The following IKBKG variants were observed in gnomAD, a reference collection of about 807,000 sequenced individuals.
The protein encoded by IKBKG is inhibitor of nuclear factor kappa B kinase regulatory subunit gamma.
IKBKG carries 2 observed loss-of-function variants against 13.7 expected under a neutral mutation model. The ratio of observed to expected loss-of-function variants is 0.15; its 90% confidence interval spans 0.06 to 0.46. The LOEUF (loss-of-function observed/expected upper bound fraction) is 0.46, where lower values mean the gene tolerates loss of function less well. Among genes scored for constraint, IKBKG ranks in the 20% least tolerant of loss-of-function variants. The pLI is 0.98. For missense variants in IKBKG, 53 were observed against 150.3 expected (o/e 0.35, Z 3.39); for synonymous variants, 22 against 64.4 (o/e 0.34, Z 3.15).
At chrX:154,548,075 T>C (rs1486530839) in intron 1 of IKBKG, 1 of 753,703 alleles carries the variant, frequency 1.3e-6, no homozygotes, top group Non-Finnish European at 1.6e-6. Context: ...GCCTCACATA[T>C]AGTTTGGCAG....
At chrX:154,550,595 T>C (rs1180622063) in intron 1 of IKBKG, among the ~76,000 whole-genome samples, 6 of 108,678 alleles carry the variant, frequency 5.5e-5, no homozygotes, top group African/African-American at 1.3e-4. Flanking sequence ...CAGCCCAACA[T>C]GAAGGATGGG....
At chrX:154,548,656 TG>T (rs2070830621) in intron 1 of IKBKG, among the ~76,000 whole-genome samples, 1 of 112,112 alleles carries the variant, frequency 8.9e-6, no homozygotes, top group Non-Finnish European at 1.9e-5. Flanking sequence ...CTCCTCCTCC[TG>T]GGTTCAAGCG....
At chrX:154,542,234 T>C (rs782206404) in intron 1 of IKBKG, 7 of 981,891 alleles carry the variant, frequency 7.1e-6, no homozygotes, top group Non-Finnish European at 9.8e-6. Flanking sequence ...GGCCCATCAT[T>C]GGGATGCGTC....
At chrX:154,563,028 T>G (rs1296914526) in intron 7 of IKBKG, 75 bp downstream of exon 7, 11 of 856,324 alleles carry the variant, frequency 1.3e-5, no homozygotes, top group South Asian at 9.5e-5. Context: ...TTTTTTTTTT[T>G]GCTTTTGCTT....
At chrX:154,547,941 C>T (rs1338884692) in intron 1 of IKBKG, 196 bp downstream of exon 1, 2 of 753,583 alleles carry the variant, frequency 2.7e-6, no homozygotes, top group Non-Finnish European at 1.6e-6. Context: ...GTTTCTACTC[C>T]TCCCTCCTCC....
At position 154,552,086 on chromosome X, in the gene IKBKG, C is replaced by A. The variant is rs782455868; in HGVS notation, c.84C>A (p.Gly28=). 7 of 1,191,794 alleles carry A rather than the reference C, an allele frequency of 5.9e-6. No homozygotes were observed. Among genetic ancestry groups the A allele is most frequent in the Non-Finnish European group, 7.9e-6 (7 of 882,336 alleles). The change falls in exon 2 of 10, where the codon GGC becomes GGA. Residue 28 remains glycine, a synonymous_variant. Transcript: ENST00000594239. ...CGGCAGCAGATCAGGACGTACTGGGCGAAGAGTCTCCTCTGGGGAAGCCAG... is the reference window on the plus strand; with the variant it reads ...CGGCAGCAGATCAGGACGTACTGGGAGAAGAGTCTCCTCTGGGGAAGCCAG... The part of the protein sequence containing the change: ...GGPAADQDVL[G]EESPLGKPAM...
intron 1 of IKBKG, among the ~76,000 whole-genome samples, chrX:154,550,226 A>G (rs1238032453): frequency 3.8e-5 from 4 of 103,970 alleles, no homozygotes; most frequent in African/African-American, 1.4e-4. Flanking sequence ...GATGGATTAG[A>G]TGTGCTCTTG....
At chrX:154,547,345 T>C (rs924794304), upstream of IKBKG, 219 of 754,135 alleles carry the variant, frequency 2.9e-4, no homozygotes, top group South Asian at 4.0e-4. Context: ...CAGTCTCTTC[T>C]TGATTCCTCC....
Position 154,563,107 on chromosome X carries a change from C to A in IKBKG, c.912+154C>A, listed in dbSNP as rs1265181758. Among the ~76,000 whole-genome samples, 4 of 68,080 alleles carry A rather than the reference C, an allele frequency of 5.9e-5. No individual in the cohort carries two copies. The East Asian group carries it at 1.6e-3, about 27-fold the overall frequency. 59.1% of individuals were successfully genotyped at this position (68,080 alleles called of 115,157 possible). ...CTAGTGGCACGATCTTGGCTCACTG[C>A]AACCTCTGCCTCCCGGGTTCAAACA... On this transcript the variant is annotated intron_variant, in intron 7 of 9. Coordinates refer to ENST00000594239, the MANE Select transcript of IKBKG (RefSeq NM_001099857.5).
upstream of IKBKG, chrX:154,546,080 A>G: frequency 8.3e-7 from 1 of 1,211,759 alleles, no homozygotes; most frequent in Non-Finnish European, 1.1e-6. Flanking sequence ...GACTGATGGA[A>G]GGCATCGCCC....
chrX:154,554,831 G>T (rs782630837), intron 2 of IKBKG, among the ~76,000 whole-genome samples: 1 of 111,937 alleles, frequency 8.9e-6, no homozygotes, highest in Admixed American at 9.5e-5. Context: ...TGGATGTTGC[G>T]CTCGTCAGCA....
intron 2 of IKBKG, among the ~76,000 whole-genome samples, chrX:154,555,098 C>T (rs1392519526): frequency 4.5e-5 from 5 of 111,589 alleles, no homozygotes; most frequent in East Asian, 2.8e-4. Flanking sequence ...CGTTTGTTTT[C>T]TGCTTCCTCG....
upstream of IKBKG, chrX:154,542,536 T>C: frequency 9.4e-7 from 1 of 1,062,970 alleles, no homozygotes; most frequent in Non-Finnish European, 1.2e-6. Context: ...TGAGGTGCCA[T>C]CAGGGCCCCC....
chrX:154,550,852 C>G (rs1444660580), intron 1 of IKBKG, among the ~76,000 whole-genome samples: 1 of 109,716 alleles, frequency 9.1e-6, no homozygotes, highest in African/African-American at 3.3e-5. Flanking sequence ...GCTCTGTTGC[C>G]CAGGCTGGAG....
chrX:154,549,611 A>G (rs1277185301), intron 1 of IKBKG, among the ~76,000 whole-genome samples: 1 of 111,706 alleles, frequency 9.0e-6, no homozygotes. Context: ...AGCTTGAGAT[A>G]TCATTAGCAT....
At chrX:154,550,153 AGTTAAT>A (rs2070887521) in intron 1 of IKBKG, among the ~76,000 whole-genome samples, 1 of 110,136 alleles carries the variant, frequency 9.1e-6, no homozygotes, top group Non-Finnish European at 1.9e-5. Context: ...CACCTAAAAT[AGTTAAT>A]GTTAATTGCT....
chrX:154,552,078 G>A lies in IKBKG; in HGVS notation c.76G>A (p.Val26Ile), dbSNP rs1377041064. 5.0e-6 allele frequency: 6 copies of A among 1,191,035 alleles called. No individual in the cohort carries two copies. Among genetic ancestry groups the A allele is most frequent in the South Asian group, 3.7e-5 (2 of 54,733 alleles). Residue 26 changes from valine to isoleucine, a missense_variant, in exon 2 of 10, where the codon GTA becomes ATA. Around this residue, in one of 3 missense-constraint regions of IKBKG, gnomAD observed 47 missense variants for 50.0 expected, o/e 0.94. Transcript: ENST00000594239. ...TGGTGGCCCGGCAGCAGATCAGGAC[G>A]TACTGGGCGAAGAGTCTCCTCTGGG... The part of the protein sequence containing the change: ...PSGGPAADQD[V>I]LGEESPLGKP...
intron 2 of IKBKG, among the ~76,000 whole-genome samples, chrX:154,552,577 C>T (rs781914927): frequency 1.0e-4 from 11 of 109,063 alleles, no homozygotes; most frequent in African/African-American, 2.3e-4. Flanking sequence ...AGGGCAGAGT[C>T]GGCGCTGGGA....
In IKBKG at chrX:154,554,398, C is replaced by T. The variant is rs782113256; in HGVS notation, c.188-1767C>T. On this transcript the variant is annotated intron_variant, in intron 2 of 9. Coordinates refer to ENST00000594239, the MANE Select transcript of IKBKG (RefSeq NM_001099857.5). ...AACCTGATGGATACACCGAAAACTG[C>T]TGAATTAGTTAAAATAGTGAATTTG... 8.9e-5 allele frequency among the ~76,000 whole-genome samples: 10 copies of T among 112,453 alleles called. No homozygotes were observed. In the East Asian group the frequency reaches 2.8e-3, roughly 31 times the overall value.
Sources: gnomAD v4.1 joint callset for allele counts (sites outside exome capture counted in the v4.1 genomes callset) on GRCh38, gnomAD v4.1.1 for gene constraint, gnomAD v4.1.1 regional missense constraint, MANE v1.5 for transcripts, NCBI Gene and HGNC (gene_info 2026-07-23, HGNC 2026-07-21) for gene names.